Variants in FHIP1A observed in about 807,000 individuals in gnomAD.
The protein encoded by FHIP1A is FHF complex subunit HOOK-interacting protein 1A.
In FHIP1A, 61 loss-of-function variants were observed where a neutral mutation model predicts 88.6. The ratio of observed to expected loss-of-function variants is 0.69; its 90% CI spans 0.56 to 0.85. The LOEUF (loss-of-function observed/expected upper bound fraction) is 0.85, where lower values mean the gene tolerates loss of function less well. FHIP1A is among the 40% of genes least tolerant of loss of function. The probability of loss-of-function intolerance (pLI) is 0.00; values close to 1 mark genes in which losing one functional copy is unlikely to be tolerated. For missense variants in FHIP1A, 1,154 were observed against 1,273.5 expected (o/e 0.91, Z 1.43); for synonymous variants, 478 against 496.0 (o/e 0.96, Z 0.48).
intron 3 of FHIP1A, among the ~76,000 whole-genome samples, chr4:151,497,622 TTGTG>T (rs142054361): frequency 1.3e-5 from 2 of 151,662 alleles, no homozygotes; most frequent in Non-Finnish European, 1.5e-5. Flanking sequence ...TTGTCACAAC[TTGTG>T]TGTGTGTGTG....
chr4:151,518,227 A>T (rs576252318), intron 3 of FHIP1A, among the ~76,000 whole-genome samples: 1 of 152,152 alleles, frequency 6.6e-6, no homozygotes, highest in Non-Finnish European at 1.5e-5. Context: ...TTAGATACAC[A>T]AATATTTACC....
chr4:151,587,427 T>TA (rs1157430688), intron 6 of FHIP1A, among the ~76,000 whole-genome samples: 1 of 152,066 alleles, frequency 6.6e-6, no homozygotes, highest in Admixed American at 6.5e-5. Flanking sequence ...TAAGTTTTCA[T>TA]AAAAAATATT....
chr4:151,541,848 C>A (rs1477642610), intron 3 of FHIP1A, among the ~76,000 whole-genome samples: 1 of 152,154 alleles, frequency 6.6e-6, no homozygotes, highest in Non-Finnish European at 1.5e-5. Flanking sequence ...CTCCATGATT[C>A]CTTGCTAATT....
At chr4:151,542,014 A>G (rs1238731341) in intron 3 of FHIP1A, among the ~76,000 whole-genome samples, 1 of 152,076 alleles carries the variant, frequency 6.6e-6, no homozygotes, top group Admixed American at 6.5e-5. Flanking sequence ...AGTTCACACC[A>G]TTTGCAGTGG....
rs1377912358 is a variant in FHIP1A, at chr4:151,665,648, T to C, written c.*2894T>C. 6.6e-6 allele frequency among the ~76,000 whole-genome samples: 1 copy of C among 152,122 alleles called. No homozygotes were observed. Among genetic ancestry groups the C allele is most frequent in the East Asian group, 1.9e-4 (1 of 5,198 alleles). Reference sequence around the variant, plus strand: ...CCTGCACGATTCGGGGGAGTGAACATTGATCTAGGCGGATATGAAGAAACC... The same window carrying C: ...CCTGCACGATTCGGGGGAGTGAACACTGATCTAGGCGGATATGAAGAAACC... On this transcript the variant is annotated 3_prime_UTR_variant, in exon 14 of 14. Coordinates refer to ENST00000435205, the MANE Select transcript of FHIP1A (RefSeq NM_001109977.3).
rs528311723 is a variant in FHIP1A, at chr4:151,463,988, T to TC, written c.-248+9181dup. Reference sequence around the variant, plus strand: ...TATGATCTGACTCCTAACCTCTCATTCTGATATAGCCTTCTGTCAGCCTCC... The same window carrying TC: ...TATGATCTGACTCCTAACCTCTCATTCCTGATATAGCCTTCTGTCAGCCTCC... On this transcript the variant is annotated intron_variant, in intron 2 of 13. Coordinates refer to ENST00000435205, the MANE Select transcript of FHIP1A (RefSeq NM_001109977.3). 3.1e-4 allele frequency among the ~76,000 whole-genome samples: 47 copies of TC among 152,332 alleles called. 1 individual carries two copies. In the East Asian group the frequency reaches 9.1e-3, roughly 29 times the overall value.
Position 151,443,775 on chromosome 4 carries a change from T to C in FHIP1A, c.-355-10926T>C, listed in dbSNP as rs141088575. ...GCTTTTCTTCACCCCCAAAATGCCGTGAGGAAGTATTTACTCTGAGGTATC... is the reference window on the plus strand; with the variant it reads ...GCTTTTCTTCACCCCCAAAATGCCGCGAGGAAGTATTTACTCTGAGGTATC... On this transcript the variant is annotated intron_variant, in intron 1 of 13. Transcript: ENST00000435205. Among the ~76,000 whole-genome samples the C allele has an allele frequency of 3.6e-4, 54 of 148,972 alleles. 1 individual carries two copies. In the East Asian group the frequency reaches 0.01, roughly 28 times the overall value.
At chr4:151,636,262 G>A (rs1007786094) in intron 8 of FHIP1A, among the ~76,000 whole-genome samples, 1 of 151,776 alleles carries the variant, frequency 6.6e-6, no homozygotes, top group Admixed American at 6.6e-5. Context: ...AAATAGAGGG[G>A]AACTTCCTAG....
chr4:151,592,157 C>T (rs758402678), intron 7 of FHIP1A, among the ~76,000 whole-genome samples: 5 of 151,506 alleles, frequency 3.3e-5, no homozygotes, highest in South Asian at 4.2e-4. Flanking sequence ...TTTTTTGAGA[C>T]GGAGTCTCAC....
intron 7 of FHIP1A, among the ~76,000 whole-genome samples, chr4:151,610,399 A>G (rs1735277308): frequency 6.6e-6 from 1 of 152,220 alleles, no homozygotes; most frequent in African/African-American, 2.4e-5. Context: ...CTCTGTGTAT[A>G]TCATCTTTCC....
intron 7 of FHIP1A, among the ~76,000 whole-genome samples, chr4:151,593,584 G>T (rs1163322225): frequency 6.6e-6 from 1 of 152,136 alleles, no homozygotes; most frequent in Non-Finnish European, 1.5e-5. Context: ...TTATGTATAG[G>T]AATGCTCGTG....
intron 3 of FHIP1A, among the ~76,000 whole-genome samples, chr4:151,554,304 C>T (rs745767417): frequency 6.6e-6 from 1 of 152,162 alleles, no homozygotes; most frequent in African/African-American, 2.4e-5. Flanking sequence ...TAGTAAGCTG[C>T]TTATTCCCTG....
Position 151,591,583 on chromosome 4 carries a change from C to T in FHIP1A, c.978+2657C>T, listed in dbSNP as rs147723223. Among the ~76,000 whole-genome samples the T allele has an allele frequency of 5.3e-3, 806 of 152,282 alleles. 6 individuals are homozygous for T. Among genetic ancestry groups the T allele is most frequent in the African/African-American group, 0.019 (784 of 41,548 alleles). ...CTCGTCATCTACATTAGGTATTTCT[C>T]CTAATGCTATCCCTCCCCTGGCCCC... On this transcript the variant is annotated intron_variant, in intron 7 of 13. Coordinates refer to ENST00000435205, the MANE Select transcript of FHIP1A (RefSeq NM_001109977.3).
chr4:151,470,974 A>T (rs1254324078), intron 2 of FHIP1A, among the ~76,000 whole-genome samples: 1 of 152,114 alleles, frequency 6.6e-6, no homozygotes, highest in Non-Finnish European at 1.5e-5. Context: ...GCTGGCGTGG[A>T]CTTGACCTTT....
chr4:151,634,294 A>G (rs1214024237), intron 8 of FHIP1A, among the ~76,000 whole-genome samples: 4 of 151,952 alleles, frequency 2.6e-5, no homozygotes, highest in Non-Finnish European at 4.4e-5. Flanking sequence ...TTCCGTGTTC[A>G]TGGATTGAAA....
intron 7 of FHIP1A, among the ~76,000 whole-genome samples, chr4:151,597,192 A>G (rs986290669): frequency 6.6e-6 from 1 of 151,776 alleles, no homozygotes; most frequent in African/African-American, 2.4e-5. Flanking sequence ...GATGTTGGTG[A>G]CCTTCGGATG....
chr4:151,454,361 A>G (rs1174767264), intron 1 of FHIP1A, among the ~76,000 whole-genome samples: 1 of 152,202 alleles, frequency 6.6e-6, no homozygotes, highest in African/African-American at 2.4e-5. Flanking sequence ...GACTGTTCCT[A>G]TAGGTAACTT....
rs954504304 is a variant in FHIP1A, at chr4:151,664,638, T to A, written c.*1884T>A. ...ATTTGCACAGCCCACAACTCTCCATTAGAAAAGAAGGTAGCTTAAGATAGA... is the reference window on the plus strand; with the variant it reads ...ATTTGCACAGCCCACAACTCTCCATAAGAAAAGAAGGTAGCTTAAGATAGA... On this transcript the variant is annotated 3_prime_UTR_variant, in exon 14 of 14. Transcript: ENST00000435205. 6.6e-6 allele frequency among the ~76,000 whole-genome samples: 1 copy of A among 152,206 alleles called. No individual in the cohort carries two copies. The highest frequency in any genetic ancestry group is 2.4e-5 in the African/African-American group (1 of 41,456).
intron 3 of FHIP1A, among the ~76,000 whole-genome samples, chr4:151,552,591 C>G (rs1451494103): frequency 1.3e-5 from 2 of 152,052 alleles, no homozygotes; most frequent in Admixed American, 6.6e-5. Flanking sequence ...AAACCAAATA[C>G]CGCATTTCTC....
Sources: allele counts gnomAD v4.1 joint callset (sites outside exome capture counted in the v4.1 genomes callset), GRCh38; gene constraint gnomAD v4.1.1; transcripts MANE v1.5; gene names NCBI Gene and HGNC (gene_info 2026-07-23, HGNC 2026-07-21).